Variants in L3MBTL4 observed in about 807,000 individuals in gnomAD.
L3MBTL4 encodes the protein L3MBTL histone methyl-lysine binding protein 4.
Under a neutral mutation model 84.5 loss-of-function variants are expected in L3MBTL4, and 70 were observed. The observed-to-expected ratio is 0.83, with a 90% CI of 0.68 to 1.01. The LOEUF (loss-of-function observed/expected upper bound fraction) is 1.01, where lower values mean the gene tolerates loss of function less well. Among genes scored for constraint, L3MBTL4 ranks in the 50% least tolerant of loss-of-function variants. The pLI, the probability that L3MBTL4 is intolerant of heterozygous loss-of-function variation, is 0.00. For missense variants in L3MBTL4, 715 were observed against 754.8 expected (o/e 0.95, Z 0.62); for synonymous variants, 274 against 259.8 (o/e 1.05, Z -0.52).
chr18:6,043,500 A>T (rs16949322), intron 16 of L3MBTL4, among the ~76,000 whole-genome samples: 23,175 of 152,124 alleles, frequency 0.15, 1,934 homozygotes, highest in East Asian at 0.31. Context: ...ATCAGATATC[A>T]CTTCCTCCAG....
intron 12 of L3MBTL4, among the ~76,000 whole-genome samples, chr18:6,197,123 T>A (rs6506366): frequency 0.087 from 13,193 of 152,206 alleles, 1,877 homozygotes; most frequent in African/African-American, 0.3. Context: ...TTTTATTTTA[T>A]GTTCTGGGGT....
intron 15 of L3MBTL4, among the ~76,000 whole-genome samples, chr18:6,088,506 A>T (rs1279970611): frequency 6.6e-6 from 1 of 152,184 alleles, no homozygotes; most frequent in African/African-American, 2.4e-5. Context: ...GTACCAAGAA[A>T]GGAAACAAAG....
chr18:6,022,966 C>A (rs757306057), intron 16 of L3MBTL4, among the ~76,000 whole-genome samples: 2 of 152,056 alleles, frequency 1.3e-5, no homozygotes, highest in Admixed American at 6.6e-5. Context: ...CCTGACCTTG[C>A]GTAAATTTCT....
chr18:6,084,419 TA>T (rs151102372), intron 15 of L3MBTL4, among the ~76,000 whole-genome samples: 43 of 149,016 alleles, frequency 2.9e-4, no homozygotes, highest in East Asian at 1.6e-3. Context: ...TTCTAGAAGT[TA>T]AAAAAAAAAT....
At chr18:6,046,744 C>T (rs1444253379) in intron 16 of L3MBTL4, 2 of 775,222 alleles carry the variant, frequency 2.6e-6, no homozygotes, top group Non-Finnish European at 4.8e-6. Flanking sequence ...CTCTGGGATG[C>T]AGCACAAGCA....
At chr18:6,116,053 GAAC>G (rs895348418) in intron 14 of L3MBTL4, among the ~76,000 whole-genome samples, 13 of 152,324 alleles carry the variant, frequency 8.5e-5, no homozygotes, top group Non-Finnish European at 1.6e-4. Context: ...GAGCAAGAGA[GAAC>G]AACAAGAGAA....
At chr18:5,987,267 A>G (rs1160990041) in intron 16 of L3MBTL4, among the ~76,000 whole-genome samples, 2 of 152,262 alleles carry the variant, frequency 1.3e-5, no homozygotes, top group African/African-American at 4.8e-5. Context: ...GGAATGAAGG[A>G]AAAAGAGAGA....
At chr18:6,054,157 A>C (rs1310270847) in intron 16 of L3MBTL4, among the ~76,000 whole-genome samples, 3 of 152,158 alleles carry the variant, frequency 2.0e-5, no homozygotes, top group East Asian at 3.9e-4. Context: ...AGCACTGTAG[A>C]TCTTAGTATG....
intron 13 of L3MBTL4, among the ~76,000 whole-genome samples, chr18:6,169,986 A>G (rs2043885310): frequency 6.6e-6 from 1 of 152,184 alleles, no homozygotes; most frequent in Non-Finnish European, 1.5e-5. Flanking sequence ...ATTTCCTGAG[A>G]GAAGATTTAA....
At chr18:6,238,181 G>T in intron 9 of L3MBTL4, 141 bp from the exon 10 acceptor site, 2 of 729,134 alleles carry the variant, frequency 2.7e-6, no homozygotes, top group Non-Finnish European at 4.8e-6. Context: ...GGAATTTTCA[G>T]TACTGCATTA....
At chr18:6,339,972 A>C (rs1179024090) in intron 1 of L3MBTL4, among the ~76,000 whole-genome samples, 5 of 148,984 alleles carry the variant, frequency 3.4e-5, no homozygotes, top group Admixed American at 6.6e-5. Flanking sequence ...AGAGAGCTTC[A>C]CTAGTGAATT....
intron 4 of L3MBTL4, among the ~76,000 whole-genome samples, chr18:6,284,330 G>C (rs1435320496): frequency 1.3e-5 from 2 of 152,196 alleles, no homozygotes; most frequent in Non-Finnish European, 2.9e-5. Flanking sequence ...CTGCTGCAGA[G>C]GGAAATCCAC....
intron 1 of L3MBTL4, among the ~76,000 whole-genome samples, chr18:6,324,042 A>G (rs11661695): frequency 0.14 from 20,810 of 152,222 alleles, 1,471 homozygotes; most frequent in African/African-American, 0.16. Context: ...CTCCAGCTCC[A>G]GCCATGGCTC....
chr18:6,035,757 G>A (rs539339722), intron 16 of L3MBTL4, among the ~76,000 whole-genome samples: 1 of 152,102 alleles, frequency 6.6e-6, no homozygotes, highest in Non-Finnish European at 1.5e-5. Flanking sequence ...CCATTTTCAC[G>A]ATATTGATTC....
At chr18:6,179,051 G>A (rs893046885) in intron 12 of L3MBTL4, among the ~76,000 whole-genome samples, 2 of 152,182 alleles carry the variant, frequency 1.3e-5, no homozygotes, top group East Asian at 3.9e-4. Flanking sequence ...ATTGGAAGAC[G>A]AGGAAGTTAT....
chr18:6,032,594 A>T (rs557885127), intron 16 of L3MBTL4, among the ~76,000 whole-genome samples: 1 of 151,996 alleles, frequency 6.6e-6, no homozygotes, highest in African/African-American at 2.4e-5. Flanking sequence ...CATTTTAAGT[A>T]TATAGTTCAG....
At chr18:6,118,498 T>G (rs1225542876) in intron 14 of L3MBTL4, among the ~76,000 whole-genome samples, 2 of 152,180 alleles carry the variant, frequency 1.3e-5, no homozygotes, top group Admixed American at 6.5e-5. Flanking sequence ...ATAGATCTTA[T>G]ACCTAGCACA....
At chr18:6,213,400 CT>C in intron 11 of L3MBTL4, 141 bp from the exon 12 acceptor site, 1 of 570,368 alleles carries the variant, frequency 1.8e-6, no homozygotes, top group Non-Finnish European at 3.1e-6. Flanking sequence ...TTTTGTTTTG[CT>C]TTTTTGTTTT....
At chr18:6,097,310 AT>A (rs2058672486) in intron 14 of L3MBTL4, among the ~76,000 whole-genome samples, 1 of 152,258 alleles carries the variant, frequency 6.6e-6, no homozygotes, top group South Asian at 2.1e-4. Context: ...AGTGATTACA[AT>A]TTAAAAGAAT....
Sources: gnomAD v4.1 joint callset for allele counts (sites outside exome capture counted in the v4.1 genomes callset) on GRCh38, gnomAD v4.1.1 for gene constraint, MANE v1.5 for transcripts, NCBI Gene and HGNC (gene_info 2026-07-23, HGNC 2026-07-21) for gene names.